SPPL3: variants seen among roughly 807,000 people sequenced by gnomAD.
The protein encoded by SPPL3 is signal peptide peptidase-like 3.
Under a neutral mutation model 42.4 loss-of-function variants are expected in SPPL3, and 5 were observed. That is an observed-to-expected ratio of 0.12 (90% CI 0.06 to 0.25). The LOEUF is 0.25. Ranked by LOEUF, SPPL3 falls within the 10% of genes least tolerant of loss-of-function variation. SPPL3 has a pLI of 1.00. For missense variants in SPPL3, 235 were observed against 489.0 expected (o/e 0.48, Z 4.90); for synonymous variants, 195 against 181.8 (o/e 1.07, Z -0.58).
At chr12:120,773,071 T>C (rs1869180604) in intron 6 of SPPL3, among the ~76,000 whole-genome samples, 1 of 152,196 alleles carries the variant, frequency 6.6e-6, no homozygotes, top group African/African-American at 2.4e-5. Flanking sequence ...CAGTGAGGCT[T>C]GACAAAGCTC....
intron 1 of SPPL3, among the ~76,000 whole-genome samples, chr12:120,849,794 A>G (rs187235123): frequency 6.6e-6 from 1 of 152,292 alleles, no homozygotes; most frequent in East Asian, 1.9e-4. Flanking sequence ...CTTCTCACAC[A>G]TACCCTCCCC....
intron 1 of SPPL3, among the ~76,000 whole-genome samples, chr12:120,829,447 T>C (rs1871327990): frequency 6.6e-6 from 1 of 151,688 alleles, no homozygotes. Flanking sequence ...AATACAAAAA[T>C]TAGCCCGGCA....
intron 2 of SPPL3, among the ~76,000 whole-genome samples, chr12:120,803,211 G>C (rs979602977): frequency 1.2e-4 from 18 of 152,106 alleles, no homozygotes; most frequent in African/African-American, 4.3e-4. Flanking sequence ...AGGAGTGCTG[G>C]CATTATGGTA....
intron 7 of SPPL3, chr12:120,768,704 C>G: frequency 1.5e-6 from 1 of 652,310 alleles, no homozygotes; most frequent in Admixed American, 2.9e-5. Flanking sequence ...GTGGCCCCCA[C>G]TGCAGCGAAT....
chr12:120,897,152 T>C (rs1431715590), intron 1 of SPPL3, among the ~76,000 whole-genome samples: 1 of 152,204 alleles, frequency 6.6e-6, no homozygotes, highest in Non-Finnish European at 1.5e-5. Flanking sequence ...CACAATCCAA[T>C]GGCATTTGTC....
intron 1 of SPPL3, among the ~76,000 whole-genome samples, chr12:120,832,271 T>C (rs561896815): frequency 1.3e-4 from 20 of 152,194 alleles, no homozygotes; most frequent in Admixed American, 2.6e-4. Context: ...GACATTTAAT[T>C]AATCCCCCAA....
chr12:120,851,333 T>C lies in SPPL3; in HGVS notation c.24-40447A>G, dbSNP rs559313970. On this transcript the variant is annotated intron_variant, in intron 1 of 10. Transcript: ENST00000353487. The stretch of plus-strand genomic sequence containing the variant: ...GGCCTCTCATTTTCTCATACAGTTT[T>C]TTTTTAAAATCATACTCATAGTCCA... Among the ~76,000 whole-genome samples, 4 of 152,326 alleles carry C rather than the reference T, an allele frequency of 2.6e-5. No individual in the cohort carries two copies. In the South Asian group the frequency reaches 8.3e-4, roughly 32 times the overall value.
At position 120,765,030 on chromosome 12, in the gene SPPL3, T is replaced by G; in HGVS notation, c.1124A>C (p.Lys375Thr). 6.2e-7 allele frequency: 1 copy of G among 1,613,972 alleles called. No homozygotes were observed. Among genetic ancestry groups the G allele is most frequent in the Non-Finnish European group, 8.5e-7 (1 of 1,179,946 alleles). The stretch of plus-strand genomic sequence containing the variant: ...TTCCAGGAATCGGGAGCTGCTGGAC[T>G]TGGAGTGGAAAGGCTCAGACCACAT... The part of the protein sequence containing the change: ...RRMWSEPFHS[K>T]SSSSRFLEV The change falls in exon 11 of 11, where the codon AAG (lysine) becomes ACG (threonine). Residue 375 changes from lysine (K) to threonine (T), a missense_variant. Around this residue, in one of 6 missense-constraint regions of SPPL3, gnomAD observed 38 missense variants for 105.2 expected, o/e 0.36. Coordinates refer to ENST00000353487, the MANE Select transcript of SPPL3 (RefSeq NM_139015.5).
intron 1 of SPPL3, among the ~76,000 whole-genome samples, chr12:120,859,904 C>T (rs1444918292): frequency 6.6e-6 from 1 of 151,924 alleles, no homozygotes; most frequent in Non-Finnish European, 1.5e-5. Flanking sequence ...GATCGCGCCA[C>T]TGCACCACAG....
chr12:120,863,486 G>C (rs1872672130), intron 1 of SPPL3, among the ~76,000 whole-genome samples: 1 of 152,102 alleles, frequency 6.6e-6, no homozygotes, highest in Non-Finnish European at 1.5e-5. Context: ...TCTCGTATCT[G>C]CTTCGGCATT....
chr12:120,788,370 G>A (rs1869793501), intron 3 of SPPL3, among the ~76,000 whole-genome samples: 1 of 152,086 alleles, frequency 6.6e-6, no homozygotes, highest in African/African-American at 2.4e-5. Flanking sequence ...ATAATCTGAA[G>A]TAATAATTAC....
intron 2 of SPPL3, among the ~76,000 whole-genome samples, chr12:120,810,190 C>T (rs1272323509): frequency 1.3e-5 from 2 of 151,988 alleles, no homozygotes; most frequent in East Asian, 3.9e-4. Flanking sequence ...CTATGTTGCC[C>T]AGGCTAGTCT....
chr12:120,764,603 C>T lies in SPPL3; in HGVS notation c.*396G>A, dbSNP rs774629890. On this transcript the variant is annotated 3_prime_UTR_variant, in exon 11 of 11. Transcript: ENST00000353487. Reference sequence around the variant, plus strand: ...AGTTCTCGAGGGGTCATTGAAGAAACTTCGGTTTGCTAATTTTTTTCATCC... The same window carrying T: ...AGTTCTCGAGGGGTCATTGAAGAAATTTCGGTTTGCTAATTTTTTTCATCC... 2.9e-6 allele frequency: 1 copy of T among 341,876 alleles called. No homozygotes were observed. The highest frequency in any genetic ancestry group is 5.2e-6 in the Non-Finnish European group (1 of 190,968). 21.2% of individuals were successfully genotyped at this position (341,876 alleles called of 1,614,324 possible). A position where few individuals can be genotyped will look rare whatever the true frequency, so the allele number is the denominator to read the frequency against.
At position 120,765,058 on chromosome 12, in the gene SPPL3, G is replaced by T; in HGVS notation, c.1096C>A (p.Arg366=). The T allele has an allele frequency of 6.2e-7, 1 of 1,613,506 alleles. No homozygotes were observed. Among genetic ancestry groups the T allele is most frequent in the Non-Finnish European group, 8.5e-7 (1 of 1,179,754 alleles). Residue 366 remains arginine (R), a synonymous_variant, in exon 11 of 11, where the codon CGG becomes AGG. Coordinates refer to ENST00000353487, the MANE Select transcript of SPPL3 (RefSeq NM_139015.5). The part of the protein sequence containing the change: ...TMAYLKGDLR[R]MWSEPFHSKS... ...GAGTGGAAAGGCTCAGACCACATCCGCCGGAGGTCGCCCTGGGAAACAAGG... is the reference window on the plus strand; with the variant it reads ...GAGTGGAAAGGCTCAGACCACATCCTCCGGAGGTCGCCCTGGGAAACAAGG...
intron 6 of SPPL3, among the ~76,000 whole-genome samples, chr12:120,774,387 A>G (rs1869234687): frequency 6.6e-6 from 1 of 152,206 alleles, no homozygotes. Flanking sequence ...AAGTCTAATT[A>G]TAAAGTTGCA....
chr12:120,870,899 G>A (rs945562142), intron 1 of SPPL3, among the ~76,000 whole-genome samples: 1 of 151,792 alleles, frequency 6.6e-6, no homozygotes, highest in Non-Finnish European at 1.5e-5. Flanking sequence ...AGGCGGAGGC[G>A]GGCAGATTGC....
At chr12:120,809,605 T>C (rs1025451962) in intron 2 of SPPL3, among the ~76,000 whole-genome samples, 1 of 152,322 alleles carries the variant, frequency 6.6e-6, no homozygotes, top group African/African-American at 2.4e-5. Flanking sequence ...CACTAAACTA[T>C]TTGAGTTATA....
At position 120,768,748 on chromosome 12, in the gene SPPL3, TCA is replaced by T. The variant is rs139754758; in HGVS notation, c.609+203_609+204del. On this transcript the variant is annotated intron_variant, in intron 7 of 10. Transcript: ENST00000353487. ...CCTGTTACCTCTTCTATCCTAGGAG[TCA>T]CACACACACACTACCTACTGTACGA... The T allele has an allele frequency of 1.8e-3, 1,096 of 613,478 alleles. 7 individuals carry two copies. Among genetic ancestry groups the T allele is most frequent in the South Asian group, 8.5e-3 (411 of 48,562 alleles). 38.0% of individuals were successfully genotyped at this position (613,478 alleles called of 1,614,324 possible). A position where few individuals can be genotyped will look rare whatever the true frequency, so the allele number is the denominator to read the frequency against.
At chr12:120,872,576 C>T (rs927727871) in intron 1 of SPPL3, among the ~76,000 whole-genome samples, 8 of 152,052 alleles carry the variant, frequency 5.3e-5, no homozygotes, top group Non-Finnish European at 8.8e-5. Context: ...ACTGGAGAAG[C>T]GGGGGCTGCA....
Sources: allele counts gnomAD v4.1 joint callset (sites outside exome capture counted in the v4.1 genomes callset), GRCh38; gene constraint gnomAD v4.1.1; regional missense constraint gnomAD v4.1.1; transcripts MANE v1.5; gene names NCBI Gene and HGNC (gene_info 2026-07-23, HGNC 2026-07-21).